TMPRSS15: variants seen among roughly 807,000 people sequenced by gnomAD.
TMPRSS15 encodes the protein transmembrane serine protease 15, also known as enteropeptidase.
Under a neutral mutation model 125.3 loss-of-function variants are expected in TMPRSS15, and 128 were observed. The observed-to-expected ratio is 1.02, with a 90% confidence interval of 0.89 to 1.18. The LOEUF is 1.18. Among genes scored for constraint, TMPRSS15 ranks in the 50% most tolerant of loss-of-function variants. TMPRSS15 has a pLI of 0.00. For synonymous variants in TMPRSS15, 446 were observed against 423.2 expected, an observed-to-expected ratio of 1.05 and a Z score of -0.66; for missense variants, 1,283 against 1,212.7, an observed-to-expected ratio of 1.06 and a Z score of -0.86.
chr21:18,332,246 G>A lies in TMPRSS15; in HGVS notation c.1565-73C>T, dbSNP rs553698654. The A allele has an allele frequency of 1.6e-3, 2,058 of 1,314,924 alleles. 2 individuals are homozygous for A. The highest frequency in any genetic ancestry group is 2.0e-3 in the Non-Finnish European group (1,847 of 909,424). The allele number at this position is 1,314,924 out of a possible 1,614,324, so 81.5% of individuals were successfully genotyped here. On this transcript the variant is annotated intron_variant, in intron 13 of 24. Transcript: ENST00000284885. ...CAGAGAGATAATACCATATGCCAGC[G>A]AATTTTCAATTACATTTCTTAGAAT...
At chr21:18,346,837 C>G (rs148350382) in intron 10 of TMPRSS15, among the ~76,000 whole-genome samples, 1 of 152,252 alleles carries the variant, frequency 6.6e-6, no homozygotes, top group East Asian at 1.9e-4. Flanking sequence ...CAAATTAGCC[C>G]CTTATTCAAG....
intron 1 of TMPRSS15, among the ~76,000 whole-genome samples, chr21:18,411,677 G>A (rs2076166286): frequency 6.6e-6 from 1 of 152,038 alleles, no homozygotes; most frequent in Non-Finnish European, 1.5e-5. Context: ...CTTTGCTAAT[G>A]CAAATTCTTG....
chr21:18,343,371 A>T, intron 12 of TMPRSS15, 135 bp downstream of exon 12: 1 of 770,816 alleles, frequency 1.3e-6, no homozygotes, highest in Non-Finnish European at 2.1e-6. Context: ...GTAAAATGTG[A>T]GGTAGATTGG....
At chr21:18,475,619 T>A (rs1278689756) in intron 1 of TMPRSS15, among the ~76,000 whole-genome samples, 1 of 152,082 alleles carries the variant, frequency 6.6e-6, no homozygotes, top group East Asian at 1.9e-4. Flanking sequence ...GATTGAAAGT[T>A]TTTCCTCCCA....
chr21:18,295,151 T>G (rs761658082), intron 19 of TMPRSS15, among the ~76,000 whole-genome samples: 1 of 152,148 alleles, frequency 6.6e-6, no homozygotes, highest in Non-Finnish European at 1.5e-5. Context: ...ATTCAGGGAA[T>G]TGAATGATGA....
intron 6 of TMPRSS15, among the ~76,000 whole-genome samples, chr21:18,366,517 A>C (rs953069964): frequency 2.0e-5 from 3 of 152,278 alleles, no homozygotes; most frequent in South Asian, 4.1e-4. Context: ...ATAGATTCCA[A>C]CTAGATTAAA....
At chr21:18,460,214 T>C (rs1978526421) in intron 1 of TMPRSS15, among the ~76,000 whole-genome samples, 1 of 152,154 alleles carries the variant, frequency 6.6e-6, no homozygotes, top group African/African-American at 2.4e-5. Flanking sequence ...TCAGAGAAAA[T>C]ATTCTCAGTG....
chr21:18,289,802 G>C (rs6517804), intron 21 of TMPRSS15, among the ~76,000 whole-genome samples: 122,631 of 152,168 alleles, frequency 0.81, 49,648 homozygotes, highest in Non-Finnish European at 0.83. Context: ...CCACGTGACT[G>C]CATATTTGCT....
intron 1 of TMPRSS15, among the ~76,000 whole-genome samples, chr21:18,437,238 T>G (rs2076229918): frequency 6.6e-6 from 1 of 151,506 alleles, no homozygotes; most frequent in African/African-American, 2.4e-5. Flanking sequence ...GATTCCCTAT[T>G]TAATAAATGG....
At chr21:18,307,635 T>A (rs2075051569) in intron 18 of TMPRSS15, among the ~76,000 whole-genome samples, 1 of 152,182 alleles carries the variant, frequency 6.6e-6, no homozygotes, top group Non-Finnish European at 1.5e-5. Flanking sequence ...TATCATCACC[T>A]GTGCTTAGAT....
At chr21:18,335,360 T>C (rs8132001) in intron 13 of TMPRSS15, among the ~76,000 whole-genome samples, 6,162 of 152,334 alleles carry the variant, frequency 0.04, 374 homozygotes, top group African/African-American at 0.13. Context: ...TAAAACCTTA[T>C]ATTCCTGATA....
At chr21:18,347,951 T>C (rs1601370188) in intron 10 of TMPRSS15, among the ~76,000 whole-genome samples, 1 of 152,122 alleles carries the variant, frequency 6.6e-6, no homozygotes, top group Non-Finnish European at 1.5e-5. Context: ...CTAATAATAA[T>C]GATAGCTGTG....
intron 21 of TMPRSS15, 59 bp downstream of exon 21, chr21:18,294,211 C>G: frequency 6.2e-7 from 1 of 1,603,606 alleles, no homozygotes; most frequent in Non-Finnish European, 8.5e-7. Flanking sequence ...AAATGGGACG[C>G]TTGGCAGTGT....
intron 23 of TMPRSS15, 48 bp from the exon 24 acceptor site, chr21:18,275,384 G>A (rs540692575): frequency 3.1e-6 from 5 of 1,608,986 alleles, no homozygotes; most frequent in Non-Finnish European, 4.2e-6. Flanking sequence ...TGATCAACAT[G>A]CATCCTTGAA....
intron 18 of TMPRSS15, among the ~76,000 whole-genome samples, chr21:18,310,276 CT>C (rs1490202356): frequency 2.0e-5 from 3 of 152,110 alleles, no homozygotes; most frequent in African/African-American, 7.2e-5. Context: ...CAAATTGTCT[CT>C]TTTCATAGAT....
At chr21:18,433,686 A>G (rs529814066) in intron 1 of TMPRSS15, among the ~76,000 whole-genome samples, 11 of 150,756 alleles carry the variant, frequency 7.3e-5, no homozygotes, top group Admixed American at 1.3e-4. Flanking sequence ...AAAAAAAAAA[A>G]GAAAATAACA....
In TMPRSS15 at chr21:18,285,000, CAAA is replaced by C. The variant is rs113014415; in HGVS notation, c.2487-3782_2487-3780del. Among the ~76,000 whole-genome samples, 36 of 143,372 alleles carry C rather than the reference CAAA, an allele frequency of 2.5e-4. No individual in the cohort carries two copies. In the East Asian group the frequency reaches 3.2e-3, roughly 13 times the overall value. The allele number at this position is 143,372 out of a possible 152,430, so 94.1% of individuals were successfully genotyped here. On this transcript the variant is annotated intron_variant, in intron 21 of 24. Transcript: ENST00000284885. The stretch of plus-strand genomic sequence containing the variant: ...TGGGTGACAAGAGCAAAACTCTGCC[CAAA>C]AAAAAAAAAGAGAAAAAAAAGAAGT...
At chr21:18,271,125 G>A (rs113240278) in intron 24 of TMPRSS15, among the ~76,000 whole-genome samples, 5 of 152,126 alleles carry the variant, frequency 3.3e-5, no homozygotes, top group East Asian at 1.9e-4. Context: ...TTGCACTGGC[G>A]ACCATAGGTT....
At chr21:18,444,855 CT>C (rs954091419) in intron 1 of TMPRSS15, among the ~76,000 whole-genome samples, 18 of 152,246 alleles carry the variant, frequency 1.2e-4, no homozygotes, top group African/African-American at 4.3e-4. Flanking sequence ...TCCCCCTTAC[CT>C]CCTCTCCTTC....
Sources: allele counts gnomAD v4.1 joint callset (sites outside exome capture counted in the v4.1 genomes callset), GRCh38; gene constraint gnomAD v4.1.1; transcripts MANE v1.5; gene names NCBI Gene and HGNC (gene_info 2026-07-23, HGNC 2026-07-21).